The following PIK3R4 variants were observed in gnomAD, a reference collection of about 807,000 sequenced individuals.
PIK3R4 encodes phosphoinositide-3-kinase regulatory subunit 4, also known as phosphoinositide 3-kinase regulatory subunit 4.
In PIK3R4, 46 loss-of-function variants were observed where a neutral mutation model predicts 136.5. That is an observed-to-expected ratio of 0.34 (90% CI 0.27 to 0.43). PIK3R4 has a LOEUF of 0.43. Among genes scored for constraint, PIK3R4 ranks in the 20% least tolerant of loss-of-function variants. PIK3R4 has a pLI of 1.00. For missense variants in PIK3R4, 1,331 were observed against 1,649.5 expected (o/e 0.81, Z 3.35); for synonymous variants, 557 against 566.7 (o/e 0.98, Z 0.24).
chr3:130,712,208 G>A (rs1576457119), intron 9 of PIK3R4, among the ~76,000 whole-genome samples: 1 of 152,096 alleles, frequency 6.6e-6, no homozygotes, highest in South Asian at 2.1e-4. Flanking sequence ...ACAATGCTAC[G>A]CTGGTCTAGA....
chr3:130,713,450 G>A (rs888658686), intron 9 of PIK3R4, among the ~76,000 whole-genome samples: 6 of 152,140 alleles, frequency 3.9e-5, no homozygotes, highest in Admixed American at 2.6e-4. Context: ...ACCCAGTAAC[G>A]GGGGCTGGCA....
intron 4 of PIK3R4, 31 bp downstream of exon 4, chr3:130,733,517 A>C: frequency 7.1e-7 from 1 of 1,408,662 alleles, no homozygotes; most frequent in Admixed American, 1.8e-5. Flanking sequence ...AAAATATCTA[A>C]GTGGCTAATA....
chr3:130,707,753 T>A (rs2107608838), intron 10 of PIK3R4, among the ~76,000 whole-genome samples: 1 of 152,300 alleles, frequency 6.6e-6, no homozygotes, highest in East Asian at 1.9e-4. Context: ...ATGCACAGGA[T>A]CTTAAAAAAC....
In PIK3R4 at chr3:130,705,807, T is replaced by A. The variant is rs1371562468; in HGVS notation, c.2722-36A>T. 3 of 1,260,530 alleles carry A rather than the reference T, an allele frequency of 2.4e-6. No homozygotes were observed. The African/African-American group carries it at 4.4e-5, about 19-fold the overall frequency. 78.1% of individuals were successfully genotyped at this position (1,260,530 alleles called of 1,614,324 possible). A position where few individuals can be genotyped will look rare whatever the true frequency, so the allele number is the denominator to read the frequency against. On this transcript the variant is annotated intron_variant, in intron 11 of 19. Coordinates refer to ENST00000356763, the MANE Select transcript of PIK3R4 (RefSeq NM_014602.3). ...AATAGAATTCTAACTATTTACGTCG[T>A]AAGCAAAGTATATTTGAAGACAGAA...
chr3:130,680,516 C>A, intron 19 of PIK3R4, 97 bp downstream of exon 19: 1 of 584,294 alleles, frequency 1.7e-6, no homozygotes, highest in South Asian at 2.7e-5. Context: ...ATTCAAAGTA[C>A]TCCTCGCTTG....
chr3:130,679,746 T>C (rs1039314935), intron 19 of PIK3R4, among the ~76,000 whole-genome samples: 3 of 152,156 alleles, frequency 2.0e-5, no homozygotes, highest in African/African-American at 7.2e-5. Context: ...ATATTAACTT[T>C]TGCCAACATC....
intron 13 of PIK3R4, among the ~76,000 whole-genome samples, chr3:130,700,727 AG>A (rs369578427): frequency 1.3e-5 from 2 of 152,340 alleles, no homozygotes; most frequent in African/African-American, 4.8e-5. Context: ...AAAACACATT[AG>A]CTTTGCTGTT....
chr3:130,731,458 T>C (rs1314432931), intron 4 of PIK3R4, among the ~76,000 whole-genome samples: 1 of 152,162 alleles, frequency 6.6e-6, no homozygotes, highest in African/African-American at 2.4e-5. Flanking sequence ...AATAAAAATT[T>C]ACCTCTAAGT....
chr3:130,719,089 T>C (rs58998951), intron 7 of PIK3R4, among the ~76,000 whole-genome samples: 5,373 of 152,278 alleles, frequency 0.035, 332 homozygotes, highest in African/African-American at 0.12. Context: ...ACAGTTACTT[T>C]CACAAGGCAA....
At chr3:130,728,159 T>C (rs1377230938) in intron 6 of PIK3R4, among the ~76,000 whole-genome samples, 1 of 152,226 alleles carries the variant, frequency 6.6e-6, no homozygotes, top group Non-Finnish European at 1.5e-5. Flanking sequence ...TTAAGAGGAT[T>C]TACAACCTAC....
At chr3:130,711,268 A>G (rs993388250) in intron 9 of PIK3R4, among the ~76,000 whole-genome samples, 1 of 152,102 alleles carries the variant, frequency 6.6e-6, no homozygotes, top group Non-Finnish European at 1.5e-5. Flanking sequence ...AGGCATGGGA[A>G]AACAGGCAGA....
chr3:130,688,320 C>A (rs759856676), intron 14 of PIK3R4, among the ~76,000 whole-genome samples: 2 of 152,316 alleles, frequency 1.3e-5, no homozygotes, highest in African/African-American at 2.4e-5. Flanking sequence ...AAACAACCAA[C>A]TAGAATACAA....
chr3:130,680,414 T>C, intron 19 of PIK3R4, 199 bp downstream of exon 19: 1 of 369,128 alleles, frequency 2.7e-6, no homozygotes, highest in Admixed American at 4.3e-5. Context: ...ATTTGAGCTA[T>C]TACTTATATG....
chr3:130,689,904 T>G (rs1276253773), intron 14 of PIK3R4, among the ~76,000 whole-genome samples: 2 of 152,268 alleles, frequency 1.3e-5, no homozygotes, highest in Non-Finnish European at 2.9e-5. Context: ...GCTTTGTCTT[T>G]AAATATCTTA....
At chr3:130,704,437 C>T (rs1258087445) in intron 12 of PIK3R4, among the ~76,000 whole-genome samples, 2 of 152,110 alleles carry the variant, frequency 1.3e-5, no homozygotes, top group Admixed American at 1.3e-4. Context: ...TGCCACTTGC[C>T]ACTTAATTAT....
At chr3:130,738,802 G>T (rs1271367435) in intron 2 of PIK3R4, among the ~76,000 whole-genome samples, 1 of 151,160 alleles carries the variant, frequency 6.6e-6, no homozygotes, top group Non-Finnish European at 1.5e-5. Context: ...TAATTAACAA[G>T]GTAATAAATA....
chr3:130,739,528 C>A (rs777692608), intron 2 of PIK3R4, among the ~76,000 whole-genome samples: 1 of 152,034 alleles, frequency 6.6e-6, no homozygotes, highest in Non-Finnish European at 1.5e-5. Context: ...TACACCACCA[C>A]GCCCAACTAA....
intron 2 of PIK3R4, among the ~76,000 whole-genome samples, chr3:130,739,777 G>A (rs544860812): frequency 3.9e-4 from 59 of 152,280 alleles, no homozygotes; most frequent in African/African-American, 1.2e-3. Flanking sequence ...TTGACCAGAT[G>A]ATTAAAATTA....
intron 19 of PIK3R4, 81 bp downstream of exon 19, chr3:130,680,532 G>T: frequency 1.5e-6 from 1 of 673,116 alleles, no homozygotes; most frequent in Non-Finnish European, 2.5e-6. Flanking sequence ...GCTTGGTCAA[G>T]CCATTTATTT....
Sources: allele counts gnomAD v4.1 joint callset (sites outside exome capture counted in the v4.1 genomes callset), GRCh38; gene constraint gnomAD v4.1.1; transcripts MANE v1.5; gene names NCBI Gene and HGNC (gene_info 2026-07-23, HGNC 2026-07-21).